The following DNAH11 variants were observed in gnomAD, a reference collection of about 807,000 sequenced individuals.
DNAH11 encodes the protein axonemal beta dynein heavy chain 11.
In DNAH11, 442 loss-of-function variants were observed where a neutral mutation model predicts 526.0. The observed-to-expected ratio is 0.84, with a 90% CI of 0.78 to 0.91. DNAH11 has a LOEUF of 0.91. DNAH11 is among the 40% of genes least tolerant of loss of function. DNAH11 has a pLI of 0.00. For synonymous variants in DNAH11, 2,461 were observed against 1,935.9 expected, an observed-to-expected ratio of 1.27 and a Z score of -7.12; for missense variants, 6,989 against 5,448.7, an observed-to-expected ratio of 1.28 and a Z score of -8.90.
At chr7:21,610,608 T>C (rs573235066) in intron 20 of DNAH11, among the ~76,000 whole-genome samples, 2 of 151,630 alleles carry the variant, frequency 1.3e-5, no homozygotes, top group South Asian at 2.1e-4. Flanking sequence ...TAAAAGATAA[T>C]ATTGAAAAAA....
intron 25 of DNAH11, among the ~76,000 whole-genome samples, chr7:21,634,023 T>C (rs1450347854): frequency 6.6e-6 from 1 of 152,216 alleles, no homozygotes; most frequent in African/African-American, 2.4e-5. Context: ...ATTCTAAAAT[T>C]ATAGTGTTAA....
intron 80 of DNAH11, 49 bp from the exon 81 acceptor site, chr7:21,899,931 C>CTTACATGCAACACTTTTATCCTAT (rs1784690710): frequency 6.3e-7 from 1 of 1,599,324 alleles, no homozygotes; most frequent in African/African-American, 1.3e-5. Flanking sequence ...TCCCGGGAAC[C>CTTACATGCAACACTTTTATCCTAT]TTACATGCAA....
intron 37 of DNAH11, among the ~76,000 whole-genome samples, chr7:21,703,107 A>G (rs1210268329): frequency 6.6e-6 from 1 of 152,240 alleles, no homozygotes; most frequent in African/African-American, 2.4e-5. Flanking sequence ...TCTGAGGAAC[A>G]TTTAAGAAAT....
intron 55 of DNAH11, among the ~76,000 whole-genome samples, chr7:21,769,451 A>G (rs1000024158): frequency 6.6e-5 from 10 of 151,992 alleles, no homozygotes; most frequent in African/African-American, 2.2e-4. Context: ...TCTTGCTATA[A>G]AAGAGGTAGC....
chr7:21,713,699 T>C (rs1010942648), intron 42 of DNAH11, among the ~76,000 whole-genome samples: 1 of 152,160 alleles, frequency 6.6e-6, no homozygotes, highest in Non-Finnish European at 1.5e-5. Context: ...GTCTAACTGA[T>C]GTACTTCTCC....
chr7:21,587,831 C>T (rs1409651795), intron 9 of DNAH11, among the ~76,000 whole-genome samples: 1 of 152,080 alleles, frequency 6.6e-6, no homozygotes, highest in Non-Finnish European at 1.5e-5. Context: ...TGCAGACAGA[C>T]AGTGGTTCCT....
Position 21,600,363 on chromosome 7 carries a change from C to A in DNAH11, c.3000+244C>A, listed in dbSNP as rs1785029975. 2.0e-5 allele frequency among the ~76,000 whole-genome samples: 3 copies of A among 151,934 alleles called. No individual in the cohort carries two copies. In the South Asian group the frequency reaches 6.2e-4, roughly 32 times the overall value. On this transcript the variant is annotated intron_variant, in intron 15 of 81. Coordinates refer to ENST00000409508, the MANE Select transcript of DNAH11 (RefSeq NM_001277115.2). ...GTCCCAGCTACTCAGGAGGCTCAGG[C>A]AGGAGGATTGCTTGAGTCCAGGAGT... is the stretch of plus-strand genomic sequence containing the variant.
At chr7:21,824,369 G>T (rs1790184723) in intron 65 of DNAH11, among the ~76,000 whole-genome samples, 1 of 152,038 alleles carries the variant, frequency 6.6e-6, no homozygotes, top group Non-Finnish European at 1.5e-5. Flanking sequence ...ATATTGGAAT[G>T]ATGTATCAGT....
At chr7:21,843,886 A>C (rs1782313172) in intron 66 of DNAH11, among the ~76,000 whole-genome samples, 5 of 152,246 alleles carry the variant, frequency 3.3e-5, no homozygotes, top group Admixed American at 3.3e-4. Context: ...AGTGTGTCTC[A>C]AAAATTTAAA....
rs771431346 is a variant in DNAH11 at position 21,681,621 on chromosome 7, A to G, written c.5404A>G (p.Ile1802Val). Reference protein sequence around the residue: ...PPGDRQKIMTICTIDVHARDV... With the variant: ...PPGDRQKIMTVCTIDVHARDV... ...TGGAGACAGACAGAAGATCATGACAATTTGTACCATAGATGTCCATGCCAG... is the reference window on the plus strand; with the variant it reads ...TGGAGACAGACAGAAGATCATGACAGTTTGTACCATAGATGTCCATGCCAG... The change falls in exon 31 of 82, where the codon ATT (isoleucine) becomes GTT (valine). Residue 1802 changes from isoleucine to valine, a missense_variant. Physicochemically the swap from Ile to Val is conservative, Grantham distance 29. Transcript: ENST00000409508. 2.5e-5 allele frequency: 40 copies of G among 1,613,920 alleles called. No homozygotes were observed. The East Asian group carries it at 6.9e-4, about 28-fold the overall frequency.
intron 54 of DNAH11, among the ~76,000 whole-genome samples, chr7:21,763,374 A>T (rs1787018177): frequency 6.6e-6 from 1 of 151,448 alleles, no homozygotes; most frequent in African/African-American, 2.4e-5. Flanking sequence ...AAAAAGACTT[A>T]CAAATATCCA....
At chr7:21,654,814 C>A (rs1012787346) in intron 28 of DNAH11, among the ~76,000 whole-genome samples, 1 of 152,130 alleles carries the variant, frequency 6.6e-6, no homozygotes, top group African/African-American at 2.4e-5. Flanking sequence ...AAAGTCTGTT[C>A]TCTTTTTGTC....
intron 66 of DNAH11, 61 bp downstream of exon 66, chr7:21,842,809 GC>G: frequency 7.2e-7 from 1 of 1,391,190 alleles, no homozygotes; most frequent in East Asian, 2.5e-5. Context: ...AAATCACAGT[GC>G]TAGACATAGA....
chr7:21,774,754 G>C (rs576492502), intron 56 of DNAH11, among the ~76,000 whole-genome samples: 2 of 152,272 alleles, frequency 1.3e-5, no homozygotes, highest in African/African-American at 4.8e-5. Flanking sequence ...CTGCCTCTCT[G>C]TGGCTGGAAA....
chr7:21,548,091 CAA>C (rs1782872480), intron 2 of DNAH11, among the ~76,000 whole-genome samples: 1 of 144,766 alleles, frequency 6.9e-6, no homozygotes. Context: ...ACCTTCTACC[CAA>C]CCCATTAATG....
intron 61 of DNAH11, among the ~76,000 whole-genome samples, chr7:21,795,232 C>G (rs1309261556): frequency 6.6e-6 from 1 of 152,160 alleles, no homozygotes; most frequent in African/African-American, 2.4e-5. Context: ...CCACACAAAA[C>G]CAGTTGGCTG....
intron 30 of DNAH11, among the ~76,000 whole-genome samples, chr7:21,679,600 C>T (rs900430393): frequency 6.6e-6 from 1 of 152,118 alleles, no homozygotes; most frequent in African/African-American, 2.4e-5. Flanking sequence ...ATCTAGGGGA[C>T]ATATATTAAT....
intron 76 of DNAH11, among the ~76,000 whole-genome samples, chr7:21,891,101 C>T (rs1784310507): frequency 6.6e-6 from 1 of 152,164 alleles, no homozygotes; most frequent in Admixed American, 6.5e-5. Context: ...TTACTTTGTC[C>T]TCTTTAGACT....
rs535695570 is a variant in DNAH11, at chr7:21,901,591, A to G, written c.*337A>G. On this transcript the variant is annotated 3_prime_UTR_variant, in exon 82 of 82. Coordinates refer to ENST00000409508, the MANE Select transcript of DNAH11 (RefSeq NM_001277115.2). Reference sequence around the variant, plus strand: ...CTCAAAAAAAAAAAAGTACATCATAAAAGTACATCATATGTGAACATGCAA... The same window carrying G: ...CTCAAAAAAAAAAAAGTACATCATAGAAGTACATCATATGTGAACATGCAA... The G allele has an allele frequency of 5.7e-6, 1 of 176,048 alleles. No individual in the cohort carries two copies. Among genetic ancestry groups the G allele is most frequent in the Non-Finnish European group, 1.2e-5 (1 of 84,008 alleles). 10.9% of individuals were successfully genotyped at this position (176,048 alleles called of 1,614,324 possible).
Sources: allele counts gnomAD v4.1 joint callset (sites outside exome capture counted in the v4.1 genomes callset), GRCh38; gene constraint gnomAD v4.1.1; transcripts MANE v1.5; gene names NCBI Gene and HGNC (gene_info 2026-07-23, HGNC 2026-07-21).